CDS1: variants seen among roughly 807,000 people sequenced by gnomAD.
The protein encoded by CDS1 is phosphatidate cytidylyltransferase 1.
CDS1 carries 41 observed loss-of-function variants against 62.1 expected under a neutral mutation model. The observed-to-expected ratio is 0.66, with a 90% CI of 0.51 to 0.86. The LOEUF is 0.86. Ranked by LOEUF, CDS1 falls within the 40% of genes least tolerant of loss-of-function variation. CDS1 has a pLI of 0.00. For synonymous variants in CDS1, 185 were observed against 192.6 expected, an observed-to-expected ratio of 0.96 and a Z score of 0.32; for missense variants, 470 against 550.1, an observed-to-expected ratio of 0.85 and a Z score of 1.46.
chr4:84,626,843 C>T (rs1723878023), intron 5 of CDS1, among the ~76,000 whole-genome samples: 1 of 152,172 alleles, frequency 6.6e-6, no homozygotes, highest in African/African-American at 2.4e-5. Flanking sequence ...AGGCTGAGAA[C>T]ATGCACATCC....
At position 84,609,365 on chromosome 4, in the gene CDS1, A is replaced by G. The variant is rs532512390; in HGVS notation, c.246-64A>G. ...GAAAATTCATAAATCTGGCAAATCA[A>G]TACTGAAACCACACAAAAAACCTTA... On this transcript the variant is annotated intron_variant, in intron 2 of 12. Coordinates refer to ENST00000295887, the MANE Select transcript of CDS1 (RefSeq NM_001263.4). The G allele has an allele frequency of 1.8e-5, 18 of 1,000,258 alleles. No homozygotes were observed. The South Asian group carries it at 1.9e-4, about 10-fold the overall frequency. The allele number at this position is 1,000,258 out of a possible 1,614,324, so 62.0% of individuals were successfully genotyped here.
intron 5 of CDS1, among the ~76,000 whole-genome samples, chr4:84,631,197 TC>T (rs2148654819): frequency 6.6e-6 from 1 of 152,284 alleles, no homozygotes; most frequent in South Asian, 2.1e-4. Context: ...CTCTTAAGGG[TC>T]AATAGGATTT....
chr4:84,614,268 T>G (rs562646391), intron 3 of CDS1, among the ~76,000 whole-genome samples: 2 of 152,092 alleles, frequency 1.3e-5, no homozygotes, highest in Admixed American at 6.6e-5. Context: ...AACCAAACTT[T>G]TAAAAAAAAG....
chr4:84,637,357 C>CT (rs1655500767), intron 8 of CDS1, among the ~76,000 whole-genome samples: 1 of 152,104 alleles, frequency 6.6e-6, no homozygotes, highest in African/African-American at 2.4e-5. Context: ...GTTCTGCAAG[C>CT]TGTACAGGAA....
Position 84,643,042 on chromosome 4 carries a change from C to A in CDS1, c.1051C>A (p.Pro351Thr), listed in dbSNP as rs752187012. 2 of 1,608,948 alleles carry A rather than the reference C, an allele frequency of 1.2e-6. No homozygotes were observed. Among genetic ancestry groups the A allele is most frequent in the Admixed American group, 3.3e-5 (2 of 59,992 alleles). The stretch of plus-strand genomic sequence containing the variant: ...TCTTTAGGAAAGAGTGAGCTTGTAC[C>A]CTTTCCAGATCCACAGCATTGCACT... ...VLRQERVSLY[P>T]FQIHSIALST... The change falls in exon 11 of 13, where the codon CCT (proline) becomes ACT (threonine). Residue 351 changes from proline to threonine, a missense_variant. By Grantham distance (38) the Pro-to-Thr change is conservative (BLOSUM62 -1). Coordinates refer to ENST00000295887, the MANE Select transcript of CDS1 (RefSeq NM_001263.4).
At chr4:84,614,439 A>G (rs1439856665) in intron 3 of CDS1, among the ~76,000 whole-genome samples, 1 of 152,194 alleles carries the variant, frequency 6.6e-6, no homozygotes, top group Non-Finnish European at 1.5e-5. Context: ...ATTTGTAGAC[A>G]TTCAGGTTAT....
In CDS1 at chr4:84,587,515, G is replaced by A. The variant is rs184308597; in HGVS notation, c.117+3997G>A. ...CAGGATGTAGGGAATTAGAGAGTCA[G>A]TGAAGCCAAGATTGAAGTGGATGAC... On this transcript the variant is annotated intron_variant, in intron 1 of 12. Transcript: ENST00000295887. Among the ~76,000 whole-genome samples, 7 of 152,278 alleles carry A rather than the reference G, an allele frequency of 4.6e-5. No individual in the cohort carries two copies. The East Asian group carries it at 1.4e-3, about 29-fold the overall frequency.
At chr4:84,584,818 C>T (rs1722367011) in intron 1 of CDS1, among the ~76,000 whole-genome samples, 1 of 152,132 alleles carries the variant, frequency 6.6e-6, no homozygotes. Context: ...CAAGGAATTA[C>T]CCAAAATATA....
At chr4:84,620,219 G>GTTTTTTTTT (rs1209622035) in intron 5 of CDS1, among the ~76,000 whole-genome samples, 2 of 110,292 alleles carry the variant, frequency 1.8e-5, no homozygotes, top group African/African-American at 4.3e-5. Flanking sequence ...GTAATTAGTT[G>GTTTTTTTTT]TTTTTTTTTT....
intron 5 of CDS1, among the ~76,000 whole-genome samples, chr4:84,619,946 C>T (rs1367534760): frequency 4.0e-5 from 6 of 149,408 alleles, no homozygotes; most frequent in Admixed American, 3.4e-4. Flanking sequence ...GCAGGAGAAT[C>T]GCTTGAACCT....
intron 1 of CDS1, 124 bp downstream of exon 1, chr4:84,583,642 T>C (rs1021113795): frequency 3.4e-6 from 2 of 581,622 alleles, no homozygotes; most frequent in Non-Finnish European, 5.9e-6. Context: ...CGGTGCACCT[T>C]CCTCCCTGCC....
intron 5 of CDS1, among the ~76,000 whole-genome samples, chr4:84,630,281 A>T (rs1044503872): frequency 3.3e-5 from 5 of 152,072 alleles, no homozygotes; most frequent in African/African-American, 1.2e-4. Flanking sequence ...CCTTTCTCTC[A>T]ATAAAGTGAC....
intron 5 of CDS1, among the ~76,000 whole-genome samples, chr4:84,627,388 G>A (rs2148653043): frequency 6.6e-6 from 1 of 152,214 alleles, no homozygotes; most frequent in Non-Finnish European, 1.5e-5. Flanking sequence ...GAAAATCAGG[G>A]AGACTAAAAA....
intron 1 of CDS1, among the ~76,000 whole-genome samples, chr4:84,600,232 T>A (rs1722895162): frequency 6.6e-6 from 1 of 152,198 alleles, no homozygotes; most frequent in Non-Finnish European, 1.5e-5. Flanking sequence ...CTTGTCGAAT[T>A]TTGAGAGTTC....
At chr4:84,627,394 A>G (rs567121754) in intron 5 of CDS1, among the ~76,000 whole-genome samples, 2 of 152,322 alleles carry the variant, frequency 1.3e-5, no homozygotes, top group African/African-American at 4.8e-5. Flanking sequence ...CAGGGAGACT[A>G]AAAATAATAA....
At chr4:84,614,905 G>C (rs1036261227) in intron 3 of CDS1, among the ~76,000 whole-genome samples, 1 of 152,202 alleles carries the variant, frequency 6.6e-6, no homozygotes, top group Non-Finnish European at 1.5e-5. Context: ...GGCAGGCTCT[G>C]ACTGGTGAGT....
chr4:84,586,771 G>A (rs149868080), intron 1 of CDS1, among the ~76,000 whole-genome samples: 190 of 152,278 alleles, frequency 1.2e-3, no homozygotes, highest in African/African-American at 4.2e-3. Context: ...CTAAGTAGAA[G>A]CAAGTTTAGG....
chr4:84,617,658 G>A lies in CDS1; in HGVS notation c.437G>A (p.Ser146Asn). The A allele has an allele frequency of 7.0e-7, 1 of 1,421,686 alleles. No individual in the cohort carries two copies. The highest frequency in any genetic ancestry group is 9.8e-7 in the Non-Finnish European group (1 of 1,021,974). 88.1% of individuals were successfully genotyped at this position (1,421,686 alleles called of 1,614,324 possible). ...SYDLPWFRTL[S>N]WYFLLCVNYF... ...GATCTACCATGGTTTAGAACACTAA[G>A]TTGGTAAGTAAGCTTGAAACTATTT... The change falls in exon 4 of 13, where the codon AGT becomes AAT. Residue 146 changes from serine (S) to asparagine (N), a missense_variant. Around this residue, in one of 5 missense-constraint regions of CDS1, gnomAD observed 34 missense variants for 64.8 expected, o/e 0.52. Coordinates refer to ENST00000295887, the MANE Select transcript of CDS1 (RefSeq NM_001263.4).
intron 3 of CDS1, among the ~76,000 whole-genome samples, chr4:84,613,258 G>A (rs961328532): frequency 6.6e-6 from 1 of 151,994 alleles, no homozygotes. Context: ...TATCTAGCTT[G>A]CAGTTGCCTT....
Sources: gnomAD v4.1 joint callset for allele counts (sites outside exome capture counted in the v4.1 genomes callset) on GRCh38, gnomAD v4.1.1 for gene constraint, gnomAD v4.1.1 regional missense constraint, MANE v1.5 for transcripts, NCBI Gene and HGNC (gene_info 2026-07-23, HGNC 2026-07-21) for gene names.